Variants in FARP1 observed in about 807,000 individuals in gnomAD.
The protein encoded by FARP1 is FERM, ARH/RhoGEF and pleckstrin domain protein 1, also known as FERM, ARHGEF and pleckstrin domain-containing protein 1.
Under a neutral mutation model 128.8 loss-of-function variants are expected in FARP1, and 52 were observed. That is an observed-to-expected ratio of 0.40 (90% CI 0.32 to 0.51). The LOEUF (loss-of-function observed/expected upper bound fraction) is 0.51. Among genes scored for constraint, FARP1 ranks in the 20% least tolerant of loss-of-function variants. FARP1 has a pLI of 0.45. For synonymous variants in FARP1, 580 were observed against 551.8 expected, an observed-to-expected ratio of 1.05 and a Z score of -0.72; for missense variants, 1,333 against 1,367.9, an observed-to-expected ratio of 0.97 and a Z score of 0.40.
chr13:98,382,749 AC>A (rs1889933181), intron 6 of FARP1, among the ~76,000 whole-genome samples: 1 of 151,330 alleles, frequency 6.6e-6, no homozygotes, highest in African/African-American at 2.4e-5. Context: ...TTTTTCTCGT[AC>A]TGTTAATAAG....
In FARP1 at chr13:98,448,273, T is replaced by TCG. The variant is rs1159332887; in HGVS notation, c.3097_3098dup (p.Pro1034AspfsTer5). 20 of 1,614,158 alleles carry TCG rather than the reference T, an allele frequency of 1.2e-5. No homozygotes were observed. Among genetic ancestry groups the TCG allele is most frequent in the Non-Finnish European group, 1.7e-5 (20 of 1,179,974 alleles). The stretch of plus-strand genomic sequence containing the variant: ...GATCCGCAGTGCCACCAGCTCTGCC[T>TCG]CGCGACCCCACGTGTTGAGTCACAA... On this transcript the variant is annotated frameshift_variant, in exon 27 of 27. Coordinates refer to ENST00000319562, the MANE Select transcript of FARP1 (RefSeq NM_005766.4). LOFTEE classifies it high-confidence loss of function.
chr13:98,203,138 C>T (rs563954414), intron 1 of FARP1, among the ~76,000 whole-genome samples: 31 of 152,334 alleles, frequency 2.0e-4, no homozygotes, highest in African/African-American at 6.5e-4. Context: ...CCAGGCTGGC[C>T]GCCTCACTGG....
intron 1 of FARP1, among the ~76,000 whole-genome samples, chr13:98,201,497 T>A (rs1467574597): frequency 1.3e-5 from 2 of 152,200 alleles, no homozygotes; most frequent in Non-Finnish European, 2.9e-5. Context: ...ACAAGAGTGT[T>A]GAACAGCAGA....
intron 25 of FARP1, chr13:98,446,423 G>C (rs2042966540): frequency 1.7e-6 from 1 of 602,286 alleles, no homozygotes; most frequent in Non-Finnish European, 2.9e-6. Context: ...CCTAGGAAGG[G>C]CCACCTGTCT....
chr13:98,316,949 A>G (rs1351139905), intron 2 of FARP1, among the ~76,000 whole-genome samples: 3 of 152,222 alleles, frequency 2.0e-5, no homozygotes, highest in Admixed American at 6.5e-5. Flanking sequence ...AGGAAAGTTT[A>G]GGAAGGAACA....
At chr13:98,272,151 T>C (rs1360937395) in intron 2 of FARP1, among the ~76,000 whole-genome samples, 9 of 152,238 alleles carry the variant, frequency 5.9e-5, no homozygotes, top group African/African-American at 1.9e-4. Flanking sequence ...TGCCTCAGCC[T>C]CCCAAGTACC....
intron 1 of FARP1, among the ~76,000 whole-genome samples, chr13:98,186,991 CAA>C (rs33992037): frequency 0.013 from 622 of 47,678 alleles, no homozygotes; most frequent in African/African-American, 0.031. Context: ...GATTCTGTCT[CAA>C]AAAAAAAAAA....
intron 2 of FARP1, among the ~76,000 whole-genome samples, chr13:98,282,788 C>G (rs896451494): frequency 6.6e-6 from 1 of 152,132 alleles, no homozygotes; most frequent in African/African-American, 2.4e-5. Context: ...GTAGTCCCAG[C>G]TACTCAGGAG....
intron 2 of FARP1, among the ~76,000 whole-genome samples, chr13:98,316,635 T>C (rs372673621): frequency 3.3e-5 from 5 of 152,326 alleles, no homozygotes; most frequent in African/African-American, 1.2e-4. Context: ...ATCCTTGCGT[T>C]GTAACACAGC....
chr13:98,378,837 G>A (rs112309221), intron 6 of FARP1, among the ~76,000 whole-genome samples: 6,347 of 139,176 alleles, frequency 0.046, 376 homozygotes, highest in African/African-American at 0.14. Flanking sequence ...AAATGACATG[G>A]GCAAGAAAAA....
intron 5 of FARP1, among the ~76,000 whole-genome samples, chr13:98,377,374 C>CA (rs34395673): frequency 0.012 from 1,631 of 134,586 alleles, 29 homozygotes; most frequent in African/African-American, 0.038. Flanking sequence ...AGTTACACCA[C>CA]AAAAAAAAAA....
chr13:98,153,369 TTATA>T lies in FARP1; in HGVS notation c.-24+9882_-24+9885del, dbSNP rs1245860480. ...TATATATAAAAATATATAAAATATG[TTATA>T]TATAAATATATAATAAATAATACAT... On this transcript the variant is annotated intron_variant, in intron 1 of 26. Coordinates refer to ENST00000319562, the MANE Select transcript of FARP1 (RefSeq NM_005766.4). 3.6e-4 allele frequency among the ~76,000 whole-genome samples: 35 copies of T among 96,832 alleles called. No homozygotes were observed. The East Asian group carries it at 7.8e-3, about 21-fold the overall frequency. The allele number at this position is 96,832 out of a possible 152,430, so 63.5% of individuals were successfully genotyped here.
chr13:98,187,313 A>C (rs1024195742), intron 1 of FARP1, among the ~76,000 whole-genome samples: 6 of 152,184 alleles, frequency 3.9e-5, no homozygotes, highest in African/African-American at 1.2e-4. Flanking sequence ...GAATGTTTAC[A>C]CTGTAATGTG....
intron 13 of FARP1, chr13:98,401,134 T>C (rs759116261): frequency 6.6e-6 from 1 of 152,142 alleles, no homozygotes; most frequent in Non-Finnish European, 1.5e-5. Context: ...CGTAAGAGCA[T>C]ATGGAGAGAA....
In FARP1 at chr13:98,440,690, G is replaced by A. The variant is rs145597966; in HGVS notation, c.2650G>A (p.Ala884Thr). ...PDNKSPDEAT[A>T]ADQESEDDLS... ...TGTAGAGTCCCCTGATGAAGCCACC[G>A]CGGCTGACCAGGAGTCAGAGGATGA... The change falls in exon 24 of 27, where the codon GCG (alanine) becomes ACG (threonine). Residue 884 changes from alanine (A) to threonine (T), a missense_variant. By Grantham distance (58) the Ala-to-Thr change is moderately conservative (BLOSUM62 0). Around this residue, in one of 2 missense-constraint regions of FARP1, gnomAD observed 1,009 missense variants for 969.8 expected, o/e 1.04. Coordinates refer to ENST00000319562, the MANE Select transcript of FARP1 (RefSeq NM_005766.4). The A allele has an allele frequency of 9.6e-5, 155 of 1,613,000 alleles. No individual in the cohort carries two copies. In the African/African-American group the frequency reaches 1.5e-3, roughly 15 times the overall value.
chr13:98,420,633 T>C (rs1179375606), intron 16 of FARP1, among the ~76,000 whole-genome samples: 1 of 152,222 alleles, frequency 6.6e-6, no homozygotes, highest in Admixed American at 6.5e-5. Context: ...TAGCAGACTT[T>C]ACATGGTTTT....
chr13:98,319,246 G>C (rs1249639216), intron 2 of FARP1, among the ~76,000 whole-genome samples: 1 of 152,130 alleles, frequency 6.6e-6, no homozygotes, highest in Non-Finnish European at 1.5e-5. Flanking sequence ...TTACAGGTAT[G>C]AGCCACTATA....
intron 1 of FARP1, among the ~76,000 whole-genome samples, chr13:98,160,398 T>C (rs1000301365): frequency 1.3e-5 from 2 of 152,132 alleles, no homozygotes; most frequent in Non-Finnish European, 2.9e-5. Flanking sequence ...CCTACACAGA[T>C]CGTAAGGATA....
At chr13:98,185,694 G>A (rs1473831128) in intron 1 of FARP1, among the ~76,000 whole-genome samples, 2 of 150,782 alleles carry the variant, frequency 1.3e-5, no homozygotes, top group African/African-American at 4.9e-5. Flanking sequence ...AAAATTTGAT[G>A]GGTTTGTTTG....
Sources: gnomAD v4.1 joint callset for allele counts (sites outside exome capture counted in the v4.1 genomes callset) on GRCh38, gnomAD v4.1.1 for gene constraint, gnomAD v4.1.1 regional missense constraint, MANE v1.5 for transcripts, NCBI Gene and HGNC (gene_info 2026-07-23, HGNC 2026-07-21) for gene names.